The following DLG2 variants were observed in gnomAD, a reference collection of about 807,000 sequenced individuals.
The protein encoded by DLG2 is disks large homolog 2.
Under a neutral mutation model 132.5 loss-of-function variants are expected in DLG2, and 45 were observed. The observed-to-expected ratio is 0.34, with a 90% CI of 0.27 to 0.44. The LOEUF (loss-of-function observed/expected upper bound fraction) is 0.44. DLG2 is among the 20% of genes least tolerant of loss of function. The pLI is 1.00. For missense variants in DLG2, 1,045 were observed against 1,196.9 expected, an observed-to-expected ratio of 0.87 and a Z score of 1.87; for synonymous variants, 424 against 419.6, an observed-to-expected ratio of 1.01 and a Z score of -0.13.
At chr11:83,807,822 A>G (rs570980532) in intron 17 of DLG2, among the ~76,000 whole-genome samples, 15 of 152,304 alleles carry the variant, frequency 9.8e-5, no homozygotes, top group African/African-American at 3.6e-4. Context: ...ACTGAGGCAC[A>G]GAAAGATTAG....
intron 7 of DLG2, among the ~76,000 whole-genome samples, chr11:84,478,670 C>T (rs10792759): frequency 0.37 from 55,784 of 151,902 alleles, 13,955 homozygotes; most frequent in African/African-American, 0.72. Context: ...AAATGATCTA[C>T]TCAAAATCTT....
At chr11:83,604,786 T>C (rs1360848094) in intron 19 of DLG2, among the ~76,000 whole-genome samples, 1 of 152,086 alleles carries the variant, frequency 6.6e-6, no homozygotes, top group Admixed American at 6.6e-5. Context: ...CCTCTCAATT[T>C]TGCTGTGAAC....
At chr11:84,349,298 C>T (rs1391877092) in intron 7 of DLG2, among the ~76,000 whole-genome samples, 1 of 152,082 alleles carries the variant, frequency 6.6e-6, no homozygotes, top group Non-Finnish European at 1.5e-5. Flanking sequence ...GTGTCTAAAG[C>T]AGGATGTACT....
Position 84,844,085 on chromosome 11 carries a change from G to GTA in DLG2, c.357+267574_357+267575dup, listed in dbSNP as rs1555254838. Among the ~76,000 whole-genome samples the GTA allele has an allele frequency of 3.6e-3, 332 of 93,114 alleles. 2 individuals carry two copies. The highest frequency in any genetic ancestry group is 0.011 in the African/African-American group (290 of 26,552). 61.1% of individuals were successfully genotyped at this position (93,114 alleles called of 152,430 possible). A position where few individuals can be genotyped will look rare whatever the true frequency, so the allele number is the denominator to read the frequency against. The stretch of plus-strand genomic sequence containing the variant: ...TATGTTTGTGTGTGTGTGTGTGTGT[G>GTA]TATATATATATATATATGTTTGTGT... On this transcript the variant is annotated intron_variant, in intron 6 of 27. Transcript: ENST00000376104.
intron 5 of DLG2, among the ~76,000 whole-genome samples, chr11:85,140,789 C>A (rs917571696): frequency 7.9e-5 from 12 of 151,810 alleles, no homozygotes; most frequent in African/African-American, 2.7e-4. Context: ...TCCATGAGTT[C>A]AACTGTTTTA....
chr11:85,501,211 G>C (rs140839616), intron 3 of DLG2, among the ~76,000 whole-genome samples: 1 of 152,148 alleles, frequency 6.6e-6, no homozygotes, highest in East Asian at 1.9e-4. Flanking sequence ...AAACTGGCTA[G>C]CCATATGCAG....
chr11:84,663,356 T>G (rs2099696743), intron 6 of DLG2, among the ~76,000 whole-genome samples: 1 of 151,988 alleles, frequency 6.6e-6, no homozygotes, highest in African/African-American at 2.4e-5. Context: ...GACCCAAGGC[T>G]GGATCAAAGA....
intron 21 of DLG2, among the ~76,000 whole-genome samples, chr11:83,510,536 C>G (rs2094951748): frequency 6.6e-6 from 1 of 152,194 alleles, no homozygotes; most frequent in Non-Finnish European, 1.5e-5. Context: ...GACTCCTAGC[C>G]TGTAGTCCCG....
At chr11:85,181,203 T>C (rs1431798025) in intron 4 of DLG2, among the ~76,000 whole-genome samples, 2 of 151,402 alleles carry the variant, frequency 1.3e-5, no homozygotes, top group African/African-American at 4.8e-5. Flanking sequence ...TCCATATATA[T>C]GTATATGTAT....
At chr11:84,503,042 C>G (rs1474242439) in intron 7 of DLG2, among the ~76,000 whole-genome samples, 1 of 152,120 alleles carries the variant, frequency 6.6e-6, no homozygotes, top group Non-Finnish European at 1.5e-5. Context: ...TCTTGTAATA[C>G]ATTCTAAAAA....
chr11:83,906,251 TCTCTCTCACACACACACACA>T (rs2074844587), intron 15 of DLG2, among the ~76,000 whole-genome samples: 1 of 97,442 alleles, frequency 1.0e-5, no homozygotes, highest in African/African-American at 4.1e-5. Context: ...TCTCTCTCTC[TCTCTCTCACACACACACACA>T]CACACACACA....
chr11:84,905,994 A>AG (rs1316842434), intron 6 of DLG2, among the ~76,000 whole-genome samples: 2 of 152,176 alleles, frequency 1.3e-5, no homozygotes, highest in Admixed American at 1.3e-4. Context: ...TATAAACCTC[A>AG]TCTGGCAGTT....
intron 14 of DLG2, among the ~76,000 whole-genome samples, chr11:83,931,830 C>T (rs1466023920): frequency 1.3e-5 from 2 of 152,142 alleles, no homozygotes; most frequent in East Asian, 3.8e-4. Context: ...TATTTCTTTG[C>T]TTTCAGTCAC....
intron 3 of DLG2, among the ~76,000 whole-genome samples, chr11:85,357,247 TG>T (rs2083776708): frequency 2.3e-5 from 3 of 129,830 alleles, no homozygotes; most frequent in Non-Finnish European, 4.8e-5. Context: ...TTTGTGTGTG[TG>T]TGTGTGTGTG....
chr11:83,881,350 T>C (rs1415935699), intron 15 of DLG2, among the ~76,000 whole-genome samples: 2 of 152,222 alleles, frequency 1.3e-5, no homozygotes, highest in Non-Finnish European at 2.9e-5. Context: ...GGACCCAATA[T>C]AGTTACCACA....
At chr11:83,581,726 T>A (rs1468781009) in intron 19 of DLG2, among the ~76,000 whole-genome samples, 1 of 152,094 alleles carries the variant, frequency 6.6e-6, no homozygotes, top group Non-Finnish European at 1.5e-5. Context: ...TGCCTCAATG[T>A]AAAGAGTAAG....
chr11:83,464,169 T>C (rs938816103), intron 26 of DLG2, among the ~76,000 whole-genome samples: 1 of 152,128 alleles, frequency 6.6e-6, no homozygotes. Context: ...TGAAGGGAGA[T>C]TGCCACATGG....
intron 19 of DLG2, among the ~76,000 whole-genome samples, chr11:83,577,707 A>T (rs2096900369): frequency 7.9e-6 from 1 of 127,170 alleles, no homozygotes; most frequent in Admixed American, 8.7e-5. Flanking sequence ...GGATATTATA[A>T]ATATATAATT....
Position 84,854,274 on chromosome 11 carries a change from A to G in DLG2, c.357+257387T>C. 1.3e-5 allele frequency among the ~76,000 whole-genome samples: 2 copies of G among 150,874 alleles called. 1 individual carries two copies. The highest frequency in any genetic ancestry group is 3.0e-5 in the Non-Finnish European group (2 of 67,256). On this transcript the variant is annotated intron_variant, in intron 6 of 27. Coordinates refer to ENST00000376104, the MANE Select transcript of DLG2 (RefSeq NM_001142699.3). ...CCCAATATAAACCTGCCTAACAAGT[A>G]GAACAAAAGTGTATCTGTGACCATG...
Sources: allele counts gnomAD v4.1 joint callset (sites outside exome capture counted in the v4.1 genomes callset), GRCh38; gene constraint gnomAD v4.1.1; transcripts MANE v1.5; gene names NCBI Gene and HGNC (gene_info 2026-07-23, HGNC 2026-07-21).